Variants in NOD2 observed in about 807,000 individuals in gnomAD.
NOD2 encodes nucleotide-binding oligomerization domain-containing protein 2.
NOD2 carries 86 observed loss-of-function variants against 90.9 expected under a neutral mutation model. That is an observed-to-expected ratio of 0.95 (90% confidence interval 0.79 to 1.13). The LOEUF is 1.13. NOD2 is among the 50% of genes most tolerant of loss of function. NOD2 has a pLI of 0.00. For synonymous variants in NOD2, 581 were observed against 554.6 expected (o/e 1.05, Z -0.67); for missense variants, 1,238 against 1,283.8 (o/e 0.96, Z 0.55).
intron 10 of NOD2, among the ~76,000 whole-genome samples, chr16:50,725,949 C>A (rs558430175): frequency 6.6e-6 from 1 of 152,322 alleles, no homozygotes; most frequent in South Asian, 2.1e-4. Flanking sequence ...TCCACCAACC[C>A]TCTGTCCTTC....
At chr16:50,724,593 T>C (rs115438848) in intron 9 of NOD2, among the ~76,000 whole-genome samples, 1,622 of 152,320 alleles carry the variant, frequency 0.011, 31 homozygotes, top group African/African-American at 0.037. Context: ...TTTCTTTATA[T>C]GGATATAGAC....
chr16:50,716,863 G>A, intron 5 of NOD2, 28 bp from the exon 6 acceptor site: 2 of 1,608,876 alleles, frequency 1.2e-6, no homozygotes, highest in Non-Finnish European at 1.7e-6. Flanking sequence ...CTTTGCTTCT[G>A]TGTCTCCTCT....
chr16:50,720,522 C>T (rs1223984671), intron 7 of NOD2, among the ~76,000 whole-genome samples: 1 of 152,166 alleles, frequency 6.6e-6, no homozygotes, highest in African/African-American at 2.4e-5. Context: ...CCTCGGAGCT[C>T]TTGCTCCCTG....
chr16:50,718,541 C>T (rs978261835), intron 6 of NOD2, among the ~76,000 whole-genome samples: 6 of 152,202 alleles, frequency 3.9e-5, no homozygotes, highest in South Asian at 2.1e-4. Context: ...GGCGAAGCTG[C>T]GGATAAGCAG....
intron 4 of NOD2, among the ~76,000 whole-genome samples, chr16:50,716,304 A>G (rs1773524081): frequency 6.6e-6 from 1 of 152,166 alleles, no homozygotes; most frequent in African/African-American, 2.4e-5. Flanking sequence ...AGATGGAAAC[A>G]TTGCCTCAAA....
intron 1 of NOD2, chr16:50,697,243 G>C (rs754383446): frequency 6.4e-7 from 1 of 1,555,846 alleles, no homozygotes; most frequent in Non-Finnish European, 8.7e-7. Flanking sequence ...AATGGGCTTT[G>C]ATGGGGGAAG....
At chr16:50,708,287 T>A (rs1567387626) in intron 3 of NOD2, among the ~76,000 whole-genome samples, 1 of 152,186 alleles carries the variant, frequency 6.6e-6, no homozygotes, top group South Asian at 2.1e-4. Flanking sequence ...TATGGACACA[T>A]GTTTTGAGTT....
intron 11 of NOD2, among the ~76,000 whole-genome samples, 158 bp from the exon 12 acceptor site, chr16:50,731,589 A>G (rs556175817): frequency 6.6e-6 from 1 of 152,276 alleles, no homozygotes; most frequent in African/African-American, 2.4e-5. Flanking sequence ...TGGTTGGCCA[A>G]GGGTAAAAAC....
At position 50,716,929 on chromosome 16, in the gene NOD2, C is replaced by A. The variant is rs1245181200; in HGVS notation, c.2504C>A (p.Ser835Tyr). The A allele has an allele frequency of 6.2e-7, 1 of 1,614,134 alleles. No homozygotes were observed. The highest frequency in any genetic ancestry group is 8.5e-7 in the Non-Finnish European group (1 of 1,180,036). ...AAATTGACTGACGGCTGTGCACACTCCATGGCTAAGCTCCTTGCATGCAGG... is the reference window on the plus strand; with the variant it reads ...AAATTGACTGACGGCTGTGCACACTACATGGCTAAGCTCCTTGCATGCAGG... ...NNKLTDGCAH[S>Y]MAKLLACRQN... is the part of the protein sequence containing the mutation. Residue 835 changes from serine (S) to tyrosine (Y), a missense_variant, in exon 6 of 12, where the codon TCC (serine) becomes TAC (tyrosine). By Grantham distance (144) the Ser-to-Tyr change is moderately radical. Around this residue, in one of 3 missense-constraint regions of NOD2, gnomAD observed 667 missense variants for 688.7 expected, o/e 0.97. Coordinates refer to ENST00000647318, the MANE Select transcript of NOD2 (RefSeq NM_001370466.1).
In NOD2 at chr16:50,725,378, C is replaced by T; in HGVS notation, c.2802-111C>T. 5.1e-6 allele frequency: 4 copies of T among 788,386 alleles called. No individual in the cohort carries two copies. The East Asian group carries it at 9.9e-5, about 20-fold the overall frequency. 48.8% of individuals were successfully genotyped at this position (788,386 alleles called of 1,614,324 possible). A position where few individuals can be genotyped will look rare whatever the true frequency, so the allele number is the denominator to read the frequency against. On this transcript the variant is annotated intron_variant, in intron 9 of 11. Coordinates refer to ENST00000647318, the MANE Select transcript of NOD2 (RefSeq NM_001370466.1). ...CGTACTTTATCTGTTCTTTCTTTAT[C>T]CATGAGTTTGGGTTTTCAGATGTTG...
rs114368954 is a variant in NOD2 at position 50,724,758 on chromosome 16, T to A, written c.2802-731T>A. On this transcript the variant is annotated intron_variant, in intron 9 of 11. Coordinates refer to ENST00000647318, the MANE Select transcript of NOD2 (RefSeq NM_001370466.1). The stretch of plus-strand genomic sequence containing the variant: ...TCAGGCCAAATTTAGTTTAACTATA[T>A]GTTAAGCTGCAGGTGACAGAATACC... Among the ~76,000 whole-genome samples the A allele has an allele frequency of 2.6e-3, 399 of 152,332 alleles. 3 individuals are homozygous for A. Among genetic ancestry groups the A allele is most frequent in the African/African-American group, 8.8e-3 (366 of 41,560 alleles).
intron 3 of NOD2, 75 bp downstream of exon 3, chr16:50,708,035 C>T (rs935494432): frequency 2.3e-5 from 24 of 1,028,842 alleles, no homozygotes; most frequent in Middle Eastern, 5.3e-4. Context: ...CAGAACACAC[C>T]TCGGTTAACA....
chr16:50,713,750 G>A (rs928038915), intron 4 of NOD2, among the ~76,000 whole-genome samples: 4 of 152,074 alleles, frequency 2.6e-5, no homozygotes, highest in Non-Finnish European at 5.9e-5. Context: ...TGGGGGGAAG[G>A]TATGGAGACG....
chr16:50,718,637 G>A (rs781580087), intron 6 of NOD2, among the ~76,000 whole-genome samples: 11 of 152,194 alleles, frequency 7.2e-5, no homozygotes, highest in East Asian at 1.9e-4. Context: ...CATTAGCTGC[G>A]TGACCTCAGG....
Position 50,711,844 on chromosome 16 carries a change from C to A in NOD2, c.1852C>A (p.Pro618Thr), listed in dbSNP as rs1228502653. The change falls in exon 4 of 12, where the codon CCC (proline) becomes ACC (threonine). Residue 618 changes from proline (P) to threonine (T), a missense_variant. Transcript: ENST00000647318. ...PGNSPMARLLPTMCIQASEGK... is the reference protein window; with the variant it reads ...PGNSPMARLLTTMCIQASEGK... Reference sequence around the variant, plus strand: ...CAACTCACCAATGGCCAGGCTCCTGCCCACGATGTGCATCCAGGCCTCGGA... The same window carrying A: ...CAACTCACCAATGGCCAGGCTCCTGACCACGATGTGCATCCAGGCCTCGGA... 5.6e-6 allele frequency: 9 copies of A among 1,613,040 alleles called. No homozygotes were observed. Among genetic ancestry groups the A allele is most frequent in the Non-Finnish European group, 7.6e-6 (9 of 1,179,086 alleles).
rs970294443 is a variant in NOD2 at position 50,731,939 on chromosome 16, G to A, written c.*120G>A. On this transcript the variant is annotated 3_prime_UTR_variant, in exon 12 of 12. Coordinates refer to ENST00000647318, the MANE Select transcript of NOD2 (RefSeq NM_001370466.1). ...AATGAGCCCTGTCCTGCCTAAGGCT[G>A]AACTTGTTTTCTGGGAACACCATAG... The A allele has an allele frequency of 9.1e-6, 7 of 767,052 alleles. No individual in the cohort carries two copies. In the African/African-American group the frequency reaches 1.2e-4, roughly 13 times the overall value. 47.5% of individuals were successfully genotyped at this position (767,052 alleles called of 1,614,324 possible). A position where few individuals can be genotyped will look rare whatever the true frequency, so the allele number is the denominator to read the frequency against.
intron 6 of NOD2, among the ~76,000 whole-genome samples, chr16:50,717,519 G>T: frequency 6.6e-6 from 1 of 152,140 alleles, no homozygotes; most frequent in East Asian, 1.9e-4. Flanking sequence ...GGGTTGGCCT[G>T]GCTTCTCTCT....
chr16:50,721,213 C>T (rs1965040961), intron 7 of NOD2, among the ~76,000 whole-genome samples: 1 of 151,810 alleles, frequency 6.6e-6, no homozygotes, highest in African/African-American at 2.4e-5. Context: ...GCCACAGCCC[C>T]ACTGAACTCT....
Position 50,725,598 on chromosome 16 carries a change from G to A in NOD2, c.2885+26G>A. 5 of 1,560,918 alleles carry A rather than the reference G, an allele frequency of 3.2e-6. No homozygotes were observed. The East Asian group carries it at 1.1e-4, about 35-fold the overall frequency. Reference sequence around the variant, plus strand: ...GTAAGGAACCCATAAGCAGGAAACAGGACAATAATTGCTGGCCTTTGGAAG... The same window carrying A: ...GTAAGGAACCCATAAGCAGGAAACAAGACAATAATTGCTGGCCTTTGGAAG... On this transcript the variant is annotated intron_variant, in intron 10 of 11. Coordinates refer to ENST00000647318, the MANE Select transcript of NOD2 (RefSeq NM_001370466.1).
Sources: gnomAD v4.1 joint callset for allele counts (sites outside exome capture counted in the v4.1 genomes callset) on GRCh38, gnomAD v4.1.1 for gene constraint, gnomAD v4.1.1 regional missense constraint, MANE v1.5 for transcripts, NCBI Gene and HGNC (gene_info 2026-07-23, HGNC 2026-07-21) for gene names.